CNTLN: variants seen among roughly 807,000 people sequenced by gnomAD.
CNTLN encodes centlein, centrosomal protein.
A neutral mutation model predicts 180.0 loss-of-function variants in CNTLN; 212 were observed. The observed-to-expected ratio is 1.18, with a 90% CI of 1.05 to 1.32. CNTLN has a LOEUF of 1.32. Ranked by LOEUF, CNTLN falls within the 40% of genes most tolerant of loss-of-function variation. CNTLN has a pLI of 0.00. For synonymous variants in CNTLN, 722 were observed against 563.1 expected (o/e 1.28, Z -3.99); for missense variants, 2,095 against 1,610.9 (o/e 1.30, Z -5.14).
chr9:17,376,101 A>AT (rs1824737210), intron 13 of CNTLN, among the ~76,000 whole-genome samples: 1 of 152,122 alleles, frequency 6.6e-6, no homozygotes, highest in Non-Finnish European at 1.5e-5. Flanking sequence ...GAACCCCTCC[A>AT]TTTAACACCT....
At chr9:17,455,123 AT>A (rs1300478432) in intron 18 of CNTLN, among the ~76,000 whole-genome samples, 2 of 152,192 alleles carry the variant, frequency 1.3e-5, no homozygotes, top group Non-Finnish European at 2.9e-5. Flanking sequence ...AAGAAGTAGA[AT>A]TTTTTAAACC....
chr9:17,528,434 C>G, the CNTLN span, among the ~76,000 whole-genome samples: 277 of 152,298 alleles, frequency 1.8e-3, no homozygotes, highest in African/African-American at 5.7e-3. Flanking sequence ...AAGAAGCATC[C>G]TACAAAATAC....
chr9:17,295,997 A>AGT lies in CNTLN; in HGVS notation c.984-2152_984-2151dup, dbSNP rs66515360. On this transcript the variant is annotated intron_variant, in intron 6 of 25. Coordinates refer to ENST00000380647, the MANE Select transcript of CNTLN (RefSeq NM_017738.4). ...GAGAGAGAGAGAGAGAGAGAGAGAGAGTGTGTGTGTGTGTGTGTGTGTGTG... is the reference window on the plus strand; with the variant it reads ...GAGAGAGAGAGAGAGAGAGAGAGAGAGTGTGTGTGTGTGTGTGTGTGTGTGTG... 6.8e-3 allele frequency among the ~76,000 whole-genome samples: 623 copies of AGT among 91,310 alleles called. 4 individuals carry two copies. The highest frequency in any genetic ancestry group is 0.011 in the Middle Eastern group (2 of 184). 59.9% of individuals were successfully genotyped at this position (91,310 alleles called of 152,430 possible). A position where few individuals can be genotyped will look rare whatever the true frequency, so the allele number is the denominator to read the frequency against.
At position 17,147,119 on chromosome 9, in the gene CNTLN, A is replaced by G. The variant is rs145576554; in HGVS notation, c.449+3743A>G. 4.1e-3 allele frequency among the ~76,000 whole-genome samples: 617 copies of G among 152,258 alleles called. 3 individuals are homozygous for G. Among genetic ancestry groups the G allele is most frequent in the African/African-American group, 0.013 (547 of 41,540 alleles). The stretch of plus-strand genomic sequence containing the variant: ...CCAGAAGGTTTCTCCTTTGAATGTA[A>G]GGTTTGCCTATGGGCTTTTTGTAAG... On this transcript the variant is annotated intron_variant, in intron 2 of 25. Coordinates refer to ENST00000380647, the MANE Select transcript of CNTLN (RefSeq NM_017738.4).
chr9:17,158,470 T>C (rs1819454551), intron 2 of CNTLN, among the ~76,000 whole-genome samples: 1 of 152,114 alleles, frequency 6.6e-6, no homozygotes, highest in East Asian at 1.9e-4. Context: ...CTTTTTTAAA[T>C]ATTTGGTAGA....
the CNTLN span, among the ~76,000 whole-genome samples, chr9:17,516,788 T>C: frequency 6.6e-6 from 1 of 152,094 alleles, no homozygotes; most frequent in Non-Finnish European, 1.5e-5. Flanking sequence ...CAAGGTGCCA[T>C]ATTTTGAGGT....
chr9:17,496,446 C>G (rs962144116), intron 25 of CNTLN, among the ~76,000 whole-genome samples: 11 of 152,256 alleles, frequency 7.2e-5, no homozygotes, highest in African/African-American at 2.6e-4. Flanking sequence ...TCTCCTATCT[C>G]TTTTTATAAG....
At position 17,415,782 on chromosome 9, in the gene CNTLN, A is replaced by G; in HGVS notation, c.2797-6A>G. The G allele has an allele frequency of 3.3e-6, 5 of 1,537,436 alleles. No individual in the cohort carries two copies. The highest frequency in any genetic ancestry group is 4.5e-6 in the Non-Finnish European group (5 of 1,113,972). ...AATACCATTTTTATGAAATCTTCAAATTTAGGACTATTTTCATGATAAGAA... is the reference window on the plus strand; with the variant it reads ...AATACCATTTTTATGAAATCTTCAAGTTTAGGACTATTTTCATGATAAGAA... On this transcript the variant is annotated splice_polypyrimidine_tract_variant and splice_region_variant and intron_variant, in intron 16 of 25. Coordinates refer to ENST00000380647, the MANE Select transcript of CNTLN (RefSeq NM_017738.4).
intron 6 of CNTLN, among the ~76,000 whole-genome samples, chr9:17,280,312 A>G (rs1335735381): frequency 6.6e-6 from 1 of 152,136 alleles, no homozygotes; most frequent in East Asian, 1.9e-4. Flanking sequence ...TTTGATCTGT[A>G]TCTAGAGGAA....
chr9:17,431,579 T>G (rs1350627265), intron 18 of CNTLN, among the ~76,000 whole-genome samples: 1 of 152,146 alleles, frequency 6.6e-6, no homozygotes, highest in Non-Finnish European at 1.5e-5. Context: ...TTTTGTTACC[T>G]GTGCTTTTGA....
intron 1 of CNTLN, among the ~76,000 whole-genome samples, chr9:17,138,308 A>G (rs1040303336): frequency 4.6e-5 from 7 of 152,172 alleles, no homozygotes; most frequent in African/African-American, 1.7e-4. Context: ...TATAAAGCTT[A>G]TTTTTTGGTA....
Position 17,390,790 on chromosome 9 carries a change from G to C in CNTLN, c.2079+2537G>C, listed in dbSNP as rs1318430521. Among the ~76,000 whole-genome samples the C allele has an allele frequency of 2.0e-5, 3 of 152,086 alleles. No homozygotes were observed. The East Asian group carries it at 5.8e-4, about 29-fold the overall frequency. ...GGATTTTCCCTTTTCAAAATGTTTA[G>C]AAGTAGTGTCTCTGTTTTGTTATTT... On this transcript the variant is annotated intron_variant, in intron 14 of 25. Coordinates refer to ENST00000380647, the MANE Select transcript of CNTLN (RefSeq NM_017738.4).
intron 8 of CNTLN, among the ~76,000 whole-genome samples, chr9:17,316,234 C>G (rs187974123): frequency 6.6e-5 from 10 of 151,832 alleles, no homozygotes; most frequent in Non-Finnish European, 1.3e-4. Context: ...TCTATTTTGT[C>G]TGATATTAAT....
rs188008756 is a variant in CNTLN at position 17,501,621 on chromosome 9, C to T, written c.4120-930C>T. On this transcript the variant is annotated intron_variant, in intron 25 of 25. Transcript: ENST00000380647. ...TCCTAGCACAAAAATGGGCCTGATG[C>T]TACTGCCCTGCAGGGAAGGGGGCTG... Among the ~76,000 whole-genome samples the T allele has an allele frequency of 4.6e-3, 695 of 152,336 alleles. 3 individuals are homozygous for T. The highest frequency in any genetic ancestry group is 7.2e-3 in the Non-Finnish European group (493 of 68,030).
chr9:17,363,873 T>G (rs1250120279), intron 12 of CNTLN, among the ~76,000 whole-genome samples: 1 of 152,164 alleles, frequency 6.6e-6, no homozygotes, highest in Non-Finnish European at 1.5e-5. Flanking sequence ...AAAATATATA[T>G]TTTAATGATT....
intron 7 of CNTLN, among the ~76,000 whole-genome samples, chr9:17,303,265 A>G (rs1034410568): frequency 2.0e-5 from 3 of 152,226 alleles, no homozygotes; most frequent in African/African-American, 7.2e-5. Flanking sequence ...CTCGGTAAAC[A>G]GATTCTACAA....
intron 2 of CNTLN, among the ~76,000 whole-genome samples, chr9:17,159,500 A>G (rs527335277): frequency 7.9e-5 from 12 of 152,292 alleles, no homozygotes; most frequent in African/African-American, 2.9e-4. Flanking sequence ...TGGGGTCTCA[A>G]TATGCTGCAC....
intron 2 of CNTLN, among the ~76,000 whole-genome samples, chr9:17,189,085 T>C (rs1239514291): frequency 7.5e-6 from 1 of 133,280 alleles, no homozygotes; most frequent in Admixed American, 7.5e-5. Flanking sequence ...TTTTTTTTTT[T>C]TTTTTTTTTT....
At chr9:17,413,730 G>A (rs902993724) in intron 16 of CNTLN, among the ~76,000 whole-genome samples, 6 of 152,028 alleles carry the variant, frequency 3.9e-5, no homozygotes, top group South Asian at 2.1e-4. Context: ...GCTGACCAAG[G>A]GACAGGGAAA....
Sources: gnomAD v4.1 joint callset for allele counts (sites outside exome capture counted in the v4.1 genomes callset) on GRCh38, gnomAD v4.1.1 for gene constraint, MANE v1.5 for transcripts, NCBI Gene and HGNC (gene_info 2026-07-23, HGNC 2026-07-21) for gene names.